The following CRLF3 variants were observed in gnomAD, a reference collection of about 807,000 sequenced individuals.
CRLF3 encodes cytokine receptor like factor 3, also known as cytokine receptor-like factor 3.
A neutral mutation model predicts 55.0 loss-of-function variants in CRLF3; 33 were observed. That is an observed-to-expected ratio of 0.60 (90% confidence interval 0.46 to 0.80). CRLF3 has a LOEUF of 0.80. CRLF3 is among the 30% of genes least tolerant of loss of function. The probability of loss-of-function intolerance (pLI) is 0.00; values close to 1 mark genes in which losing one functional copy is unlikely to be tolerated. For missense variants in CRLF3, 494 were observed against 538.4 expected, an observed-to-expected ratio of 0.92 and a Z score of 0.82; for synonymous variants, 238 against 196.8, an observed-to-expected ratio of 1.21 and a Z score of -1.75.
chr17:30,788,322 T>G (rs1971697317), intron 6 of CRLF3, among the ~76,000 whole-genome samples: 2 of 100,424 alleles, frequency 2.0e-5, no homozygotes, highest in Admixed American at 1.0e-4. Context: ...TGAGACTTTG[T>G]CTCAAAAAAA....
At chr17:30,802,377 C>T (rs1839790076) in intron 2 of CRLF3, among the ~76,000 whole-genome samples, 2 of 152,096 alleles carry the variant, frequency 1.3e-5, no homozygotes, top group South Asian at 2.1e-4. Flanking sequence ...ACCTCCACCT[C>T]CCAAAGTGCT....
chr17:30,797,164 T>C, intron 3 of CRLF3, 147 bp downstream of exon 3: 1 of 643,688 alleles, frequency 1.6e-6, no homozygotes, highest in Non-Finnish European at 2.7e-6. Flanking sequence ...GTGCTGGGAT[T>C]ACAGGTGTAA....
intron 6 of CRLF3, among the ~76,000 whole-genome samples, chr17:30,788,476 G>A (rs999566117): frequency 1.3e-5 from 2 of 151,938 alleles, no homozygotes; most frequent in Non-Finnish European, 2.9e-5. Context: ...GGCATCTAAT[G>A]AGAGTGGGTC....
At chr17:30,808,606 A>ATT (rs1048761063) in intron 1 of CRLF3, among the ~76,000 whole-genome samples, 1 of 136,146 alleles carries the variant, frequency 7.3e-6, no homozygotes, top group African/African-American at 2.7e-5. Flanking sequence ...ATATATATAT[A>ATT]TTTTTTTTTT....
chr17:30,786,142 A>G (rs570813999), intron 6 of CRLF3, 111 bp from the exon 7 acceptor site: 24 of 666,986 alleles, frequency 3.6e-5, no homozygotes, highest in Admixed American at 3.2e-4. Context: ...TTTTTTCTAA[A>G]TAGTACAGCA....
intron 7 of CRLF3, chr17:30,784,694 A>C: frequency 2.6e-6 from 1 of 391,548 alleles, no homozygotes; most frequent in South Asian, 4.7e-5. Context: ...AAATAGCAAG[A>C]CTATTTCTTA....
chr17:30,785,920 A>C lies in CRLF3; in HGVS notation c.1071T>G (p.Asn357Lys). ...QRDQAVCIST[N>K]GAVFVNGKEM... Reference sequence around the variant, plus strand: ...GAATGACAGTTATTTATCTCTTACCATTTGTACTAATGCACACAGCTTGAT... The same window carrying C: ...GAATGACAGTTATTTATCTCTTACCCTTTGTACTAATGCACACAGCTTGAT... Residue 357 changes from asparagine to lysine, a missense_variant and splice_region_variant, in exon 7 of 8, where the codon AAT becomes AAG. Asn to Lys is a moderately conservative substitution (Grantham distance 94). Transcript: ENST00000324238. 6.6e-7 allele frequency: 1 copy of C among 1,520,670 alleles called. No individual in the cohort carries two copies. Among genetic ancestry groups the C allele is most frequent in the Non-Finnish European group, 9.1e-7 (1 of 1,098,590 alleles). The allele number at this position is 1,520,670 out of a possible 1,614,324, so 94.2% of individuals were successfully genotyped here.
intron 2 of CRLF3, chr17:30,801,136 C>T (rs78071511): frequency 0.13 from 19,272 of 151,342 alleles, 1,283 homozygotes; most frequent in South Asian, 0.25. Context: ...AGACTGGTCT[C>T]GAACTCCTTA....
At chr17:30,797,098 C>T (rs1174682599) in intron 3 of CRLF3, among the ~76,000 whole-genome samples, 5 of 151,994 alleles carry the variant, frequency 3.3e-5, no homozygotes, top group African/African-American at 1.2e-4. Flanking sequence ...AACATGTTGG[C>T]CAGGCTGGTC....
At chr17:30,816,436 C>CCATAA (rs1324527473) in intron 1 of CRLF3, among the ~76,000 whole-genome samples, 2 of 151,420 alleles carry the variant, frequency 1.3e-5, no homozygotes, top group African/African-American at 4.9e-5. Flanking sequence ...AATGGTAGTC[C>CCATAA]CATAACATTA....
chr17:30,785,785 A>G (rs1238632675), intron 7 of CRLF3, 134 bp downstream of exon 7: 1 of 555,264 alleles, frequency 1.8e-6, no homozygotes, highest in Non-Finnish European at 3.1e-6. Flanking sequence ...TCATAATAAA[A>G]AAAAAAAAAA....
chr17:30,787,288 G>T (rs1293341720), intron 6 of CRLF3, among the ~76,000 whole-genome samples: 1 of 152,164 alleles, frequency 6.6e-6, no homozygotes, highest in Non-Finnish European at 1.5e-5. Flanking sequence ...AATTTGCAAT[G>T]ATTTGATTAC....
At chr17:30,786,653 G>T (rs1332171927) in intron 6 of CRLF3, 1 of 152,180 alleles carries the variant, frequency 6.6e-6, no homozygotes, top group Non-Finnish European at 1.5e-5. Flanking sequence ...GATGACTGGT[G>T]GAACCAGGAC....
chr17:30,795,271 G>C (rs972197292), intron 4 of CRLF3, among the ~76,000 whole-genome samples: 1 of 150,358 alleles, frequency 6.7e-6, no homozygotes, highest in Admixed American at 6.6e-5. Flanking sequence ...ACCTGAGGTC[G>C]GGAGTTTGAG....
intron 1 of CRLF3, among the ~76,000 whole-genome samples, chr17:30,816,508 T>TA (rs916535240): frequency 6.7e-6 from 1 of 149,236 alleles, no homozygotes; most frequent in Non-Finnish European, 1.5e-5. Context: ...TTTTTTTTTT[T>TA]AGACAGGGTC....
At chr17:30,791,641 C>T (rs1567659913) in intron 6 of CRLF3, among the ~76,000 whole-genome samples, 3 of 151,290 alleles carry the variant, frequency 2.0e-5, no homozygotes, top group Non-Finnish European at 2.9e-5. Flanking sequence ...CCTCAGCCTC[C>T]CGAGTAGCTG....
Position 30,784,093 on chromosome 17 carries a change from A to C in CRLF3, c.*94T>G. On this transcript the variant is annotated 3_prime_UTR_variant, in exon 8 of 8. Coordinates refer to ENST00000324238, the MANE Select transcript of CRLF3 (RefSeq NM_015986.4). ...CACTTTCCAATGGCCTAAGTTAGAG[A>C]TGAATTCAACTTTTTTTTTAAAGCA... is the stretch of plus-strand genomic sequence containing the variant. 1 of 1,142,250 alleles carries C rather than the reference A, an allele frequency of 8.8e-7. No individual in the cohort carries two copies. Among genetic ancestry groups the C allele is most frequent in the Non-Finnish European group, 1.2e-6 (1 of 802,394 alleles). The allele number at this position is 1,142,250 out of a possible 1,614,324, so 70.8% of individuals were successfully genotyped here. A position where few individuals can be genotyped will look rare whatever the true frequency, so the allele number is the denominator to read the frequency against.
intron 6 of CRLF3, chr17:30,790,643 A>G (rs1200518960): frequency 1.7e-5 from 2 of 117,012 alleles, no homozygotes; most frequent in Non-Finnish European, 1.6e-5. Flanking sequence ...TCCAGACGGA[A>G]TCTTGCACTG....
chr17:30,789,253 G>T (rs975285144), intron 6 of CRLF3, among the ~76,000 whole-genome samples: 14 of 152,144 alleles, frequency 9.2e-5, no homozygotes, highest in Non-Finnish European at 1.3e-4. Flanking sequence ...ACAGTTTATT[G>T]AGACCTAATG....
Sources: allele counts gnomAD v4.1 joint callset (sites outside exome capture counted in the v4.1 genomes callset), GRCh38; gene constraint gnomAD v4.1.1; transcripts MANE v1.5; gene names NCBI Gene and HGNC (gene_info 2026-07-23, HGNC 2026-07-21).